Variants in RAPGEF1 observed in about 807,000 individuals in gnomAD.
RAPGEF1 encodes Rap guanine nucleotide exchange factor 1, also known as CRK SH3-binding GNRP.
In RAPGEF1, 33 loss-of-function variants were observed where a neutral mutation model predicts 143.3. That is an observed-to-expected ratio of 0.23 (90% CI 0.17 to 0.31). RAPGEF1 has a LOEUF of 0.31. Among genes scored for constraint, RAPGEF1 ranks in the 10% least tolerant of loss-of-function variants. RAPGEF1 has a pLI of 1.00. For missense variants in RAPGEF1, 1,199 were observed against 1,645.4 expected (o/e 0.73, Z 4.69); for synonymous variants, 629 against 676.5 (o/e 0.93, Z 1.09).
chr9:131,679,312 G>A (rs998240860), intron 1 of RAPGEF1, among the ~76,000 whole-genome samples: 1 of 152,170 alleles, frequency 6.6e-6, no homozygotes, highest in Non-Finnish European at 1.5e-5. Flanking sequence ...AAGAACACTG[G>A]GCCAAATGAT....
intron 16 of RAPGEF1, among the ~76,000 whole-genome samples, chr9:131,596,625 G>A (rs1259588554): frequency 2.6e-5 from 4 of 152,120 alleles, no homozygotes; most frequent in African/African-American, 4.8e-5. Context: ...GAGCTGCCCC[G>A]GCACCAAGGC....
chr9:131,667,052 C>T lies in RAPGEF1; in HGVS notation c.62-16103G>A, dbSNP rs745419759. ...GTCACCCAGGCGGAGTGCAGTGGCACGAACTCGGCTCACTGCCATCTCCAT... is the reference window on the plus strand; with the variant it reads ...GTCACCCAGGCGGAGTGCAGTGGCATGAACTCGGCTCACTGCCATCTCCAT... On this transcript the variant is annotated intron_variant, in intron 1 of 26. Transcript: ENST00000683357. This position sits in a 1 kb window ranked among gnomAD's most constrained non-coding sequence, Gnocchi z 4.6. 8.5e-5 allele frequency among the ~76,000 whole-genome samples: 13 copies of T among 152,174 alleles called. No individual in the cohort carries two copies. Among genetic ancestry groups the T allele is most frequent in the Middle Eastern group, 3.4e-3 (1 of 294 alleles).
chr9:131,708,394 G>A (rs1036215414), intron 1 of RAPGEF1, among the ~76,000 whole-genome samples: 7 of 152,172 alleles, frequency 4.6e-5, no homozygotes, highest in African/African-American at 9.7e-5. Flanking sequence ...CGCTGAGTGC[G>A]TCAACAGACT....
At chr9:131,582,150 T>C (rs1951956343) in intron 25 of RAPGEF1, among the ~76,000 whole-genome samples, 1 of 152,188 alleles carries the variant, frequency 6.6e-6, no homozygotes. Context: ...TGAACTTCTT[T>C]ACACCAAGGC....
intron 12 of RAPGEF1, among the ~76,000 whole-genome samples, chr9:131,618,008 CA>C (rs1346709677): frequency 2.0e-5 from 3 of 152,222 alleles, no homozygotes; most frequent in Non-Finnish European, 2.9e-5. Context: ...ACTGTTTACC[CA>C]AATGGCTGCA....
intron 1 of RAPGEF1, among the ~76,000 whole-genome samples, chr9:131,691,877 AC>A (rs1189291069): frequency 1.8e-4 from 27 of 152,190 alleles, no homozygotes; most frequent in Admixed American, 1.7e-3. Context: ...TAAAAAAAAC[AC>A]CTTTTTCCTT....
intron 15 of RAPGEF1, among the ~76,000 whole-genome samples, chr9:131,599,266 A>C (rs749253030): frequency 9.9e-5 from 15 of 151,974 alleles, no homozygotes; most frequent in African/African-American, 4.8e-5. Flanking sequence ...CGAGGACTAC[A>C]GGCACAAGCC....
intron 10 of RAPGEF1, among the ~76,000 whole-genome samples, chr9:131,625,595 G>A (rs1336362567): frequency 1.3e-5 from 2 of 152,182 alleles, no homozygotes; most frequent in Non-Finnish European, 1.5e-5. Flanking sequence ...GCTGTCCTGC[G>A]TGCCAGGACA....
intron 1 of RAPGEF1, among the ~76,000 whole-genome samples, chr9:131,689,196 T>C (rs3857982): frequency 0.23 from 34,495 of 152,130 alleles, 4,555 homozygotes; most frequent in Non-Finnish European, 0.3. Context: ...ATTTTTTTTA[T>C]ACCTGTCTTG....
rs1433995285 is a variant in RAPGEF1, at chr9:131,579,535, T to G, written c.3754A>C (p.Ile1252Leu). The change falls in exon 27 of 27, where the codon ATA (isoleucine) becomes CTA (leucine). Residue 1252 changes from isoleucine (I) to leucine (L), a missense_variant. Ile to Leu is a conservative substitution (Grantham distance 5). This residue lies in a region of RAPGEF1 where 67 missense variants were observed against 105.4 expected (regional missense o/e 0.64). Coordinates refer to ENST00000683357, the MANE Select transcript of RAPGEF1 (RefSeq NM_001377935.1). ...ELSLKIKPRN[I>L]TRRKTDREEK... is the part of the protein sequence containing the mutation. ...TCCCGGTCTGTTTTTCTCCTTGTTA[T>G]GTTCCTGGGTTTAATTTTCAGAGAC... 6.2e-7 allele frequency: 1 copy of G among 1,614,062 alleles called. No homozygotes were observed. Among genetic ancestry groups the G allele is most frequent in the East Asian group, 2.2e-5 (1 of 44,886 alleles).
At chr9:131,673,041 T>C (rs1241456231) in intron 1 of RAPGEF1, among the ~76,000 whole-genome samples, 1 of 152,214 alleles carries the variant, frequency 6.6e-6, no homozygotes, top group Non-Finnish European at 1.5e-5. Flanking sequence ...TGTTTATATT[T>C]GGCTGTAGAC....
At chr9:131,647,014 G>C (rs1969835425) in intron 3 of RAPGEF1, among the ~76,000 whole-genome samples, 2 of 152,274 alleles carry the variant, frequency 1.3e-5, no homozygotes, top group South Asian at 4.2e-4. Flanking sequence ...AATGCCCTCA[G>C]AGATGGGGCA....
intron 1 of RAPGEF1, among the ~76,000 whole-genome samples, chr9:131,735,493 C>T (rs951806143): frequency 4.6e-5 from 7 of 152,212 alleles, no homozygotes; most frequent in African/African-American, 1.7e-4. Context: ...GGGCAGGCAG[C>T]ACGACATCTG....
At chr9:131,734,043 TACG>T (rs1426145428) in intron 1 of RAPGEF1, among the ~76,000 whole-genome samples, 1 of 152,218 alleles carries the variant, frequency 6.6e-6, no homozygotes, top group South Asian at 2.1e-4. Context: ...TGACTAGTAT[TACG>T]AGTATCAGAC....
chr9:131,695,221 G>A (rs186889543), intron 1 of RAPGEF1, among the ~76,000 whole-genome samples: 2 of 152,134 alleles, frequency 1.3e-5, no homozygotes, highest in African/African-American at 4.8e-5. Context: ...CTCATAATTC[G>A]GAAGCACACA....
At position 131,626,163 on chromosome 9, in the gene RAPGEF1, G is replaced by T. The variant is rs1204206244; in HGVS notation, c.1461C>A (p.Asp487Glu). ...CGTAGGACACCCTGCAGCCAGAGCC[G>T]TCCGCCGTCTGGGAGGCTGCGCTCC... ...KRRSAASQTA[D>E]GSGCRVSYER... Residue 487 changes from aspartate to glutamate, a missense_variant, in exon 10 of 27, where the codon GAC (aspartate) becomes GAA (glutamate). Around this residue, in one of 6 missense-constraint regions of RAPGEF1, gnomAD observed 613 missense variants for 710.9 expected, o/e 0.86. Transcript: ENST00000683357. 1 of 1,613,962 alleles carries T rather than the reference G, an allele frequency of 6.2e-7. No homozygotes were observed.
At chr9:131,617,565 G>A (rs574660693) in intron 12 of RAPGEF1, among the ~76,000 whole-genome samples, 8 of 152,290 alleles carry the variant, frequency 5.3e-5, no homozygotes, top group African/African-American at 1.9e-4. Context: ...ATTTACAGAG[G>A]GGGAAAAAAG....
chr9:131,731,226 A>C (rs1024555481), intron 1 of RAPGEF1, among the ~76,000 whole-genome samples: 4 of 152,186 alleles, frequency 2.6e-5, no homozygotes, highest in Non-Finnish European at 5.9e-5. Flanking sequence ...CACAAGTGTA[A>C]AATATACAGA....
chr9:131,714,614 G>A (rs1835730210), intron 1 of RAPGEF1, among the ~76,000 whole-genome samples: 1 of 152,032 alleles, frequency 6.6e-6, no homozygotes, highest in African/African-American at 2.4e-5. Context: ...AAACAAAAGC[G>A]ATGACCAGCC....
Sources: gnomAD v4.1 joint callset for allele counts (sites outside exome capture counted in the v4.1 genomes callset) on GRCh38, gnomAD v4.1.1 for gene constraint, gnomAD v4.1.1 regional missense constraint, Gnocchi (gnomAD v3.1) non-coding constraint, MANE v1.5 for transcripts, NCBI Gene and HGNC (gene_info 2026-07-23, HGNC 2026-07-21) for gene names.